The following SH3GL2 variants were observed in gnomAD, a reference collection of about 807,000 sequenced individuals.
SH3GL2 encodes the protein endophilin-A1.
SH3GL2 carries 24 observed loss-of-function variants against 46.0 expected under a neutral mutation model. The ratio of observed to expected loss-of-function variants is 0.52; its 90% CI spans 0.38 to 0.73. SH3GL2 has a LOEUF of 0.73. Among genes scored for constraint, SH3GL2 ranks in the 30% least tolerant of loss-of-function variants. SH3GL2 has a pLI of 0.00. For missense variants in SH3GL2, 413 were observed against 424.2 expected (o/e 0.97, Z 0.23); for synonymous variants, 196 against 147.1 (o/e 1.33, Z -2.40).
chr9:17,590,076 A>C (rs1488679775), intron 1 of SH3GL2: 3 of 152,110 alleles, frequency 2.0e-5, no homozygotes, highest in Admixed American at 6.5e-5. Flanking sequence ...CCTGAAGGAG[A>C]GGTGTCCTGT....
chr9:17,687,976 T>G (rs1450195751), intron 1 of SH3GL2, among the ~76,000 whole-genome samples: 3 of 152,114 alleles, frequency 2.0e-5, no homozygotes, highest in African/African-American at 7.2e-5. Context: ...CTCTAGTATT[T>G]AAAAAGTAAG....
chr9:17,709,261 T>C (rs1821555753), intron 1 of SH3GL2, among the ~76,000 whole-genome samples: 1 of 151,996 alleles, frequency 6.6e-6, no homozygotes, highest in South Asian at 2.1e-4. Flanking sequence ...AGTCAGTCCT[T>C]TACAATATCC....
chr9:17,791,864 G>C (rs1824139477), intron 7 of SH3GL2, among the ~76,000 whole-genome samples: 1 of 152,178 alleles, frequency 6.6e-6, no homozygotes, highest in Non-Finnish European at 1.5e-5. Context: ...TCTGCCATCA[G>C]AGAGAGCTAC....
At chr9:17,785,492 G>A (rs1477478416) in intron 3 of SH3GL2, among the ~76,000 whole-genome samples, 1 of 152,182 alleles carries the variant, frequency 6.6e-6, no homozygotes, top group African/African-American at 2.4e-5. Flanking sequence ...CTGAATGCTG[G>A]AAGTACCTTA....
chr9:17,595,817 T>A (rs769939476), intron 1 of SH3GL2, among the ~76,000 whole-genome samples: 1 of 152,214 alleles, frequency 6.6e-6, no homozygotes, highest in Non-Finnish European at 1.5e-5. Context: ...TGTAAAAATA[T>A]AGCTATGATG....
chr9:17,670,657 CT>C, intron 1 of SH3GL2, among the ~76,000 whole-genome samples: 1 of 152,202 alleles, frequency 6.6e-6, no homozygotes, highest in Non-Finnish European at 1.5e-5. Flanking sequence ...TCTTGACTAT[CT>C]TTAGTCCAAC....
chr9:17,741,951 T>G (rs990302419), intron 1 of SH3GL2, among the ~76,000 whole-genome samples: 3 of 151,912 alleles, frequency 2.0e-5, no homozygotes, highest in African/African-American at 7.3e-5. Context: ...ATTGGTAGAA[T>G]TTGAAGAGTA....
chr9:17,649,519 C>T (rs1294671649), intron 1 of SH3GL2, among the ~76,000 whole-genome samples: 5 of 152,092 alleles, frequency 3.3e-5, no homozygotes, highest in Non-Finnish European at 5.9e-5. Flanking sequence ...AAAGATAAAT[C>T]GATGTTACCA....
chr9:17,707,768 A>G (rs772932409), intron 1 of SH3GL2, among the ~76,000 whole-genome samples: 26 of 152,214 alleles, frequency 1.7e-4, no homozygotes, highest in Non-Finnish European at 2.9e-4. Flanking sequence ...CCTTATGTCT[A>G]AGATTTAAAG....
At chr9:17,691,889 G>A (rs1411829656) in intron 1 of SH3GL2, among the ~76,000 whole-genome samples, 1 of 152,110 alleles carries the variant, frequency 6.6e-6, no homozygotes, top group African/African-American at 2.4e-5. Context: ...ACTGCCTGAT[G>A]TTCTTTGAGA....
chr9:17,616,860 T>C (rs1227006904), intron 1 of SH3GL2, among the ~76,000 whole-genome samples: 2 of 152,212 alleles, frequency 1.3e-5, no homozygotes, highest in East Asian at 3.8e-4. Context: ...TATTTCTGAA[T>C]AGATAATACA....
chr9:17,795,534 T>C lies in SH3GL2; in HGVS notation c.860-10T>C. The C allele has an allele frequency of 6.2e-7, 1 of 1,611,222 alleles. No individual in the cohort carries two copies. Among genetic ancestry groups the C allele is most frequent in the South Asian group, 1.1e-5 (1 of 90,974 alleles). On this transcript the variant is annotated splice_polypyrimidine_tract_variant and intron_variant, in intron 8 of 8. Coordinates refer to ENST00000380607, the MANE Select transcript of SH3GL2 (RefSeq NM_003026.5). ...TGTGTTCTTCTCTTCTCTCCTGCTC[T>C]TACTCCCAGGTGTCCAAATGGATCA... is the stretch of plus-strand genomic sequence containing the variant.
intron 1 of SH3GL2, among the ~76,000 whole-genome samples, chr9:17,633,106 T>G (rs566185428): frequency 6.6e-6 from 1 of 152,342 alleles, no homozygotes; most frequent in Non-Finnish European, 1.5e-5. Context: ...CTTTGCCAGC[T>G]AAGGCTTTTC....
chr9:17,591,831 C>T (rs1298674355), intron 1 of SH3GL2, among the ~76,000 whole-genome samples: 2 of 152,126 alleles, frequency 1.3e-5, no homozygotes, highest in Admixed American at 1.3e-4. Flanking sequence ...TGAACGTAGG[C>T]ATTTTCTGTA....
intron 1 of SH3GL2, among the ~76,000 whole-genome samples, chr9:17,648,086 T>C (rs992662854): frequency 6.6e-6 from 1 of 152,258 alleles, no homozygotes; most frequent in African/African-American, 2.4e-5. Flanking sequence ...ATAATACATA[T>C]AACATACAAA....
intron 1 of SH3GL2, among the ~76,000 whole-genome samples, chr9:17,686,755 C>G (rs1476855439): frequency 4.6e-5 from 6 of 130,710 alleles, no homozygotes; most frequent in Non-Finnish European, 7.7e-5. Flanking sequence ...CACATGGACA[C>G]AGGAAGGGGA....
At chr9:17,637,606 G>C (rs1819569936) in intron 1 of SH3GL2, among the ~76,000 whole-genome samples, 1 of 152,212 alleles carries the variant, frequency 6.6e-6, no homozygotes, top group Admixed American at 6.5e-5. Context: ...ACACAAGTGT[G>C]GTTTGAATCC....
chr9:17,631,215 C>T (rs1160051905), intron 1 of SH3GL2, among the ~76,000 whole-genome samples: 1 of 152,184 alleles, frequency 6.6e-6, no homozygotes, highest in African/African-American at 2.4e-5. Flanking sequence ...GGAGCAGTTT[C>T]CAAGGCTTCA....
chr9:17,675,077 G>A (rs564056072), intron 1 of SH3GL2, among the ~76,000 whole-genome samples: 2 of 152,282 alleles, frequency 1.3e-5, no homozygotes, highest in East Asian at 1.9e-4. Flanking sequence ...CTGAATTGAC[G>A]TCTCTACTTT....
Sources: allele counts gnomAD v4.1 joint callset (sites outside exome capture counted in the v4.1 genomes callset), GRCh38; gene constraint gnomAD v4.1.1; transcripts MANE v1.5; gene names NCBI Gene and HGNC (gene_info 2026-07-23, HGNC 2026-07-21).